Variants in CCSER2 observed in about 807,000 individuals in gnomAD.
CCSER2 encodes the protein coiled-coil serine rich protein 2, also known as serine-rich coiled-coil domain-containing protein 2.
A neutral mutation model predicts 92.3 loss-of-function variants in CCSER2; 46 were observed. The observed-to-expected ratio is 0.50, with a 90% CI of 0.39 to 0.64. The LOEUF (loss-of-function observed/expected upper bound fraction) is 0.64, where lower values mean the gene tolerates loss of function less well. CCSER2 is among the 30% of genes least tolerant of loss of function. The probability of loss-of-function intolerance (pLI) is 0.00; values close to 1 mark genes in which losing one functional copy is unlikely to be tolerated. For synonymous variants in CCSER2, 433 were observed against 431.4 expected, an observed-to-expected ratio of 1.00 and a Z score of -0.04; for missense variants, 1,244 against 1,238.9, an observed-to-expected ratio of 1.00 and a Z score of -0.06.
chr10:84,426,837 G>A (rs183971660), intron 5 of CCSER2, among the ~76,000 whole-genome samples: 121 of 152,232 alleles, frequency 7.9e-4, no homozygotes, highest in African/African-American at 2.8e-3. Flanking sequence ...TAAGATAAAG[G>A]ATGTGTTTTT....
At chr10:84,453,471 T>C (rs889549098) in intron 6 of CCSER2, among the ~76,000 whole-genome samples, 3 of 152,220 alleles carry the variant, frequency 2.0e-5, no homozygotes, top group African/African-American at 7.2e-5. Flanking sequence ...GCTGGCCAGA[T>C]TTGTCCTGTG....
intron 7 of CCSER2, 27 bp from the exon 8 acceptor site, chr10:84,470,345 T>G: frequency 3.4e-6 from 4 of 1,185,790 alleles, no homozygotes. Flanking sequence ...TTTAAATACC[T>G]CATCTAAAGA....
chr10:84,487,392 C>T (rs1168199582), intron 9 of CCSER2, among the ~76,000 whole-genome samples: 1 of 152,150 alleles, frequency 6.6e-6, no homozygotes, highest in Non-Finnish European at 1.5e-5. Context: ...AACGTTCTTC[C>T]ATTTGTTAGT....
intron 1 of CCSER2, among the ~76,000 whole-genome samples, chr10:84,346,988 C>G (rs370080935): frequency 6.6e-6 from 1 of 151,918 alleles, no homozygotes; most frequent in South Asian, 2.1e-4. Context: ...TGACTCTTAG[C>G]GAGCATGCTG....
At position 84,501,835 on chromosome 10, in the gene CCSER2, ATAT is replaced by A. The variant is rs1306014544; in HGVS notation, c.2326-11613_2326-11611del. ...TAGTCATCTAGGGAAAAAAAAAAAA[ATAT>A]ATATATATATATATATATATACTCA... On this transcript the variant is annotated intron_variant, in intron 9 of 9. Coordinates refer to ENST00000372088, the MANE Select transcript of CCSER2 (RefSeq NM_001284240.2). Among the ~76,000 whole-genome samples, 25 of 46,702 alleles carry A rather than the reference ATAT, an allele frequency of 5.4e-4. 1 individual carries two copies. The highest frequency in any genetic ancestry group is 1.4e-3 in the South Asian group (2 of 1,402). 30.6% of individuals were successfully genotyped at this position (46,702 alleles called of 152,430 possible).
chr10:84,379,176 A>G (rs1228531536), intron 3 of CCSER2, among the ~76,000 whole-genome samples: 3 of 152,180 alleles, frequency 2.0e-5, no homozygotes, highest in East Asian at 1.9e-4. Context: ...TAAAATTTGT[A>G]TGTATATTCG....
intron 6 of CCSER2, among the ~76,000 whole-genome samples, chr10:84,457,593 ATATATTTATATATTATATATAAT>A (rs1564686021): frequency 2.3e-3 from 12 of 5,302 alleles, no homozygotes; most frequent in African/African-American, 7.8e-3. Flanking sequence ...ATATATAATT[ATATATTTATATATTATATATAAT>A]TATATATTTA....
chr10:84,484,831 A>AT (rs554288690), intron 9 of CCSER2, among the ~76,000 whole-genome samples: 7 of 151,330 alleles, frequency 4.6e-5, no homozygotes, highest in South Asian at 2.1e-4. Flanking sequence ...CATTTCTTCT[A>AT]TTTTTTTTTA....
intron 9 of CCSER2, among the ~76,000 whole-genome samples, chr10:84,496,575 G>A (rs149059675): frequency 8.6e-4 from 130 of 151,872 alleles, no homozygotes; most frequent in African/African-American, 2.9e-3. Flanking sequence ...ATGAGCCACC[G>A]CGCCCGGCCT....
At chr10:84,502,440 C>A (rs1395197127) in intron 9 of CCSER2, among the ~76,000 whole-genome samples, 1 of 146,054 alleles carries the variant, frequency 6.8e-6, no homozygotes, top group Non-Finnish European at 1.5e-5. Context: ...GGCCAGATCT[C>A]AGCTCACTGC....
At chr10:84,387,811 A>G (rs1272326662) in intron 3 of CCSER2, among the ~76,000 whole-genome samples, 1 of 149,200 alleles carries the variant, frequency 6.7e-6, no homozygotes, top group East Asian at 2.0e-4. Context: ...TACAGGTGTG[A>G]GCCACCGCGC....
At chr10:84,352,623 C>T (rs1337620387) in intron 1 of CCSER2, among the ~76,000 whole-genome samples, 2 of 151,996 alleles carry the variant, frequency 1.3e-5, no homozygotes, top group African/African-American at 2.4e-5. Context: ...CCACCACCTC[C>T]TCTTACCATA....
chr10:84,376,643 A>G (rs566238308), intron 3 of CCSER2, among the ~76,000 whole-genome samples: 8 of 152,198 alleles, frequency 5.3e-5, no homozygotes, highest in East Asian at 3.9e-4. Context: ...AGAGTATTGC[A>G]TGATTGTGAA....
intron 1 of CCSER2, among the ~76,000 whole-genome samples, chr10:84,332,412 T>TTATATATATA (rs1554828778): frequency 8.4e-4 from 69 of 82,246 alleles, no homozygotes; most frequent in South Asian, 2.0e-3. Context: ...ATTTATTTTT[T>TTATATATATA]TATATATATA....
chr10:84,342,660 C>T (rs1844257540), intron 1 of CCSER2, among the ~76,000 whole-genome samples: 1 of 152,204 alleles, frequency 6.6e-6, no homozygotes, highest in Non-Finnish European at 1.5e-5. Flanking sequence ...GCAAAACCTT[C>T]TACATTCTGT....
chr10:84,386,617 G>T (rs1183349988), intron 3 of CCSER2, among the ~76,000 whole-genome samples: 1 of 152,338 alleles, frequency 6.6e-6, no homozygotes, highest in Middle Eastern at 3.4e-3. Flanking sequence ...TATTCGGGAG[G>T]CTGAGGCACA....
chr10:84,485,896 C>T (rs1218524530), intron 9 of CCSER2, among the ~76,000 whole-genome samples: 1 of 152,188 alleles, frequency 6.6e-6, no homozygotes, highest in Admixed American at 6.5e-5. Context: ...CTACCACCTC[C>T]CCCAACCCCA....
chr10:84,420,659 C>G (rs553389471), intron 4 of CCSER2, among the ~76,000 whole-genome samples: 1 of 152,164 alleles, frequency 6.6e-6, no homozygotes, highest in Non-Finnish European at 1.5e-5. Flanking sequence ...GGGGGCCAGG[C>G]ATGGTGGCTC....
chr10:84,361,646 CTTTT>C (rs540444252), intron 1 of CCSER2, among the ~76,000 whole-genome samples: 26 of 144,918 alleles, frequency 1.8e-4, no homozygotes, highest in African/African-American at 6.5e-4. Context: ...TAACATTTTT[CTTTT>C]TTTTTTTTGA....
Sources: allele counts gnomAD v4.1 joint callset (sites outside exome capture counted in the v4.1 genomes callset), GRCh38; gene constraint gnomAD v4.1.1; transcripts MANE v1.5; gene names NCBI Gene and HGNC (gene_info 2026-07-23, HGNC 2026-07-21).